CEMIP2: variants seen among roughly 807,000 people sequenced by gnomAD.
CEMIP2 encodes the protein cell migration inducing hyaluronidase 2, also known as cell surface hyaluronidase CEMIP2.
Under a neutral mutation model 146.9 loss-of-function variants are expected in CEMIP2, and 79 were observed. The observed-to-expected ratio is 0.54, with a 90% CI of 0.45 to 0.65. CEMIP2 has a LOEUF of 0.65. Among genes scored for constraint, CEMIP2 ranks in the 30% least tolerant of loss-of-function variants. The probability of loss-of-function intolerance (pLI) is 0.00; values close to 1 mark genes in which losing one functional copy is unlikely to be tolerated. For missense variants in CEMIP2, 1,596 were observed against 1,696.2 expected, an observed-to-expected ratio of 0.94 and a Z score of 1.04; for synonymous variants, 601 against 606.3, an observed-to-expected ratio of 0.99 and a Z score of 0.13.
intron 20 of CEMIP2, among the ~76,000 whole-genome samples, chr9:71,695,387 A>G (rs1044831388): frequency 6.6e-6 from 1 of 152,162 alleles, no homozygotes; most frequent in Non-Finnish European, 1.5e-5. Flanking sequence ...GCAAGAATAA[A>G]CAATCAGCCG....
chr9:71,685,080 T>G lies in CEMIP2; in HGVS notation c.*117A>C. The stretch of plus-strand genomic sequence containing the variant: ...TTTCAAACGCTTTCTTTTCTCCCCA[T>G]TCTGTATCAAACTGGAAAATGGTTC... On this transcript the variant is annotated 3_prime_UTR_variant, in exon 24 of 24. Coordinates refer to ENST00000377044, the MANE Select transcript of CEMIP2 (RefSeq NM_013390.3). 1.0e-6 allele frequency: 1 copy of G among 960,478 alleles called. No individual in the cohort carries two copies. Among genetic ancestry groups the G allele is most frequent in the Non-Finnish European group, 1.5e-6 (1 of 671,066 alleles). 59.5% of individuals were successfully genotyped at this position (960,478 alleles called of 1,614,324 possible). A position where few individuals can be genotyped will look rare whatever the true frequency, so the allele number is the denominator to read the frequency against.
At chr9:71,692,942 A>AAC (rs1822277290) in intron 21 of CEMIP2, among the ~76,000 whole-genome samples, 1 of 151,964 alleles carries the variant, frequency 6.6e-6, no homozygotes, top group African/African-American at 2.4e-5. Context: ...AACAACAAAA[A>AAC]CCAAGAGTCT....
chr9:71,728,244 TATATATGTATATAC>T lies in CEMIP2; in HGVS notation c.2049+1587_2049+1600del, dbSNP rs1478038495. On this transcript the variant is annotated intron_variant, in intron 10 of 23. Coordinates refer to ENST00000377044, the MANE Select transcript of CEMIP2 (RefSeq NM_013390.3). The stretch of plus-strand genomic sequence containing the variant: ...CTCTCTCTCTCTCTATATATATATA[TATATATGTATATAC>T]ACGTATATATATATATATATATGTA... Among the ~76,000 whole-genome samples the T allele has an allele frequency of 1.7e-3, 79 of 46,800 alleles. 8 individuals are homozygous for T. Among genetic ancestry groups the T allele is most frequent in the Non-Finnish European group, 3.3e-3 (66 of 20,268 alleles). The allele number at this position is 46,800 out of a possible 152,430, so 30.7% of individuals were successfully genotyped here.
At chr9:71,737,427 A>T (rs1044451498) in intron 5 of CEMIP2, among the ~76,000 whole-genome samples, 2 of 152,082 alleles carry the variant, frequency 1.3e-5, no homozygotes, top group African/African-American at 2.4e-5. Flanking sequence ...AAAAGAAAGA[A>T]AAAGAAAAAA....
intron 22 of CEMIP2, among the ~76,000 whole-genome samples, chr9:71,688,052 T>G (rs1256505622): frequency 6.6e-6 from 1 of 152,154 alleles, no homozygotes; most frequent in East Asian, 1.9e-4. Context: ...AGACAGGGTC[T>G]CATTACATTG....
chr9:71,691,435 T>G lies in CEMIP2; in HGVS notation c.3697-1189A>C, dbSNP rs114845431. Among the ~76,000 whole-genome samples, 40 of 137,066 alleles carry G rather than the reference T, an allele frequency of 2.9e-4. 4 individuals carry two copies. Among genetic ancestry groups the G allele is most frequent in the African/African-American group, 1.1e-3 (37 of 34,690 alleles). 89.9% of individuals were successfully genotyped at this position (137,066 alleles called of 152,430 possible). A position where few individuals can be genotyped will look rare whatever the true frequency, so the allele number is the denominator to read the frequency against. On this transcript the variant is annotated intron_variant, in intron 21 of 23. Transcript: ENST00000377044. ...TCTGTCTCAGGAAAAAAAAAATAAA[T>G]AAATAAAAAAGCCCTTTAGCTAATT...
chr9:71,693,424 A>G (rs1383780055), intron 21 of CEMIP2, among the ~76,000 whole-genome samples: 1 of 152,222 alleles, frequency 6.6e-6, no homozygotes, highest in Non-Finnish European at 1.5e-5. Flanking sequence ...TACTTCCATC[A>G]AGCCACTTAG....
intron 17 of CEMIP2, among the ~76,000 whole-genome samples, chr9:71,707,159 C>G (rs1822768785): frequency 6.6e-6 from 1 of 152,032 alleles, no homozygotes; most frequent in South Asian, 2.1e-4. Context: ...TGTTTCAGTT[C>G]TAGAACGTCT....
chr9:71,690,126 T>C lies in CEMIP2; in HGVS notation c.3817A>G (p.Ile1273Val), dbSNP rs765516718. Residue 1273 changes from isoleucine (I) to valine (V), a missense_variant, in exon 22 of 24, where the codon ATT becomes GTT. Physicochemically the swap from Ile to Val is conservative, Grantham distance 29. Transcript: ENST00000377044. ...ATGCCTGTTTTTAAATACTCTTCAA[T>C]GCGACTGACATCAGCAAGAGGAAAA... Reference protein sequence around the residue: ...TVFPLADVSRIEEYLKTGIPP... With the variant: ...TVFPLADVSRVEEYLKTGIPP... 35 of 1,614,064 alleles carry C rather than the reference T, an allele frequency of 2.2e-5. No homozygotes were observed. Among genetic ancestry groups the C allele is most frequent in the African/African-American group, 2.7e-5 (2 of 74,938 alleles).
intron 21 of CEMIP2, among the ~76,000 whole-genome samples, chr9:71,690,827 C>G (rs975437507): frequency 6.6e-6 from 1 of 152,162 alleles, no homozygotes. Context: ...TATTTCACAA[C>G]TATTGTGAGC....
Position 71,750,194 on chromosome 9 carries a change from G to T in CEMIP2, c.180C>A (p.Phe60Leu). ...CTTGCTGTTCTTCAGGTGAGAATGC[G>T]AAGGTTGCCCGGTCTTCTCGTCTGA... ...TSIRREDRAT[F>L]AFSPEEQQAQ... Residue 60 changes from phenylalanine (F) to leucine (L), a missense_variant, in exon 2 of 24, where the codon TTC (phenylalanine) becomes TTA (leucine). Coordinates refer to ENST00000377044, the MANE Select transcript of CEMIP2 (RefSeq NM_013390.3). 1 of 1,614,044 alleles carries T rather than the reference G, an allele frequency of 6.2e-7. No homozygotes were observed. Among genetic ancestry groups the T allele is most frequent in the Non-Finnish European group, 8.5e-7 (1 of 1,180,012 alleles).
intron 15 of CEMIP2, among the ~76,000 whole-genome samples, chr9:71,713,693 T>C (rs900785506): frequency 6.6e-6 from 1 of 152,138 alleles, no homozygotes; most frequent in African/African-American, 2.4e-5. Context: ...TTAAAAAATC[T>C]ACACCTTAGA....
chr9:71,715,190 G>T, intron 14 of CEMIP2, 101 bp from the exon 15 acceptor site: 4 of 1,058,922 alleles, frequency 3.8e-6, no homozygotes, highest in Admixed American at 3.1e-5. Flanking sequence ...AGTTTTAAAA[G>T]AAGTCAATAG....
chr9:71,739,766 A>T (rs1823862207), intron 5 of CEMIP2, among the ~76,000 whole-genome samples: 1 of 149,724 alleles, frequency 6.7e-6, no homozygotes, highest in South Asian at 2.1e-4. Flanking sequence ...ACATTATGAG[A>T]TTTTTTTTTT....
chr9:71,732,352 A>G lies in CEMIP2; in HGVS notation c.1562T>C (p.Met521Thr). 2 of 1,606,820 alleles carry G rather than the reference A, an allele frequency of 1.2e-6. No individual in the cohort carries two copies. The highest frequency in any genetic ancestry group is 2.2e-5 in the South Asian group (2 of 89,276). The change falls in exon 7 of 24, where the codon ATG (methionine) becomes ACG (threonine). Residue 521 changes from methionine to threonine, a missense_variant and splice_region_variant. Transcript: ENST00000377044. ...AAATAATCAAATCCTTTTGCCTACCATAATGTGTCCCCCAAAGGTATCATA... is the reference window on the plus strand; with the variant it reads ...AAATAATCAAATCCTTTTGCCTACCGTAATGTGTCCCCCAAAGGTATCATA... ...FDYDTFGGHI[M>T]IMKNFTSVHL...
At chr9:71,765,645 C>T (rs889550808) in intron 1 of CEMIP2, among the ~76,000 whole-genome samples, 4 of 152,198 alleles carry the variant, frequency 2.6e-5, no homozygotes, top group Non-Finnish European at 4.4e-5. Context: ...CCCAACTGTT[C>T]CTTCTCTGGC....
At chr9:71,714,863 G>A in intron 15 of CEMIP2, 71 bp downstream of exon 15, 2 of 1,526,750 alleles carry the variant, frequency 1.3e-6, no homozygotes, top group Non-Finnish European at 1.8e-6. Context: ...GATTATCACA[G>A]AAACTTCCCT....
In CEMIP2 at chr9:71,718,011, G is replaced by C. The variant is rs12353307; in HGVS notation, c.2336C>G (p.Ala779Gly). 1 of 1,613,060 alleles carries C rather than the reference G, an allele frequency of 6.2e-7. No homozygotes were observed. The highest frequency in any genetic ancestry group is 8.5e-7 in the Non-Finnish European group (1 of 1,179,488). The change falls in exon 13 of 24, where the codon GCT becomes GGT. Residue 779 changes from alanine (A) to glycine (G), a missense_variant. Physicochemically the swap from Ala to Gly is moderately conservative, Grantham distance 60. Coordinates refer to ENST00000377044, the MANE Select transcript of CEMIP2 (RefSeq NM_013390.3). ...AGCTCCATTATCATTATTTTTAAAA[G>C]CAATGAGCCTGTCAATTAGAGCAGC... The part of the protein sequence containing the change: ...RVAALIDRLI[A>G]FKNNDNGAWV...
At chr9:71,698,640 A>G (rs1296041455) in intron 19 of CEMIP2, among the ~76,000 whole-genome samples, 1 of 152,272 alleles carries the variant, frequency 6.6e-6, no homozygotes, top group Non-Finnish European at 1.5e-5. Context: ...TAATAAAAAC[A>G]GGAACTGTGA....
Sources: gnomAD v4.1 joint callset for allele counts (sites outside exome capture counted in the v4.1 genomes callset) on GRCh38, gnomAD v4.1.1 for gene constraint, MANE v1.5 for transcripts, NCBI Gene and HGNC (gene_info 2026-07-23, HGNC 2026-07-21) for gene names.